ZRANB3: variants seen among roughly 807,000 people sequenced by gnomAD.
ZRANB3 encodes zinc finger RANBP2-type containing 3.
ZRANB3 carries 125 observed loss-of-function variants against 133.8 expected under a neutral mutation model. The observed-to-expected ratio is 0.93, with a 90% confidence interval of 0.81 to 1.08. ZRANB3 has a LOEUF of 1.08. ZRANB3 is among the 50% of genes least tolerant of loss of function. The pLI, the probability that ZRANB3 is intolerant of heterozygous loss-of-function variation, is 0.00. For synonymous variants in ZRANB3, 387 were observed against 432.7 expected (o/e 0.89, Z 1.31); for missense variants, 1,229 against 1,275.5 (o/e 0.96, Z 0.56).
intron 8 of ZRANB3, among the ~76,000 whole-genome samples, chr2:135,307,042 A>C (rs1682742181): frequency 6.6e-6 from 1 of 152,070 alleles, no homozygotes; most frequent in South Asian, 2.1e-4. Context: ...TTAATTAATG[A>C]ATTTTATTTT....
chr2:135,479,913 T>A (rs1248239433), intron 2 of ZRANB3, among the ~76,000 whole-genome samples: 1 of 152,018 alleles, frequency 6.6e-6, no homozygotes, highest in Admixed American at 6.6e-5. Flanking sequence ...TTTGGTTTTT[T>A]ATACCTATAC....
At chr2:135,452,973 C>A (rs1319971674) in intron 2 of ZRANB3, among the ~76,000 whole-genome samples, 1 of 152,258 alleles carries the variant, frequency 6.6e-6, no homozygotes, top group African/African-American at 2.4e-5. Context: ...TTCCACACTG[C>A]CCTAACAGAG....
chr2:135,362,855 T>C (rs1023821483), intron 3 of ZRANB3, among the ~76,000 whole-genome samples: 3 of 152,144 alleles, frequency 2.0e-5, no homozygotes, highest in African/African-American at 4.8e-5. Flanking sequence ...TAATGTGGTA[T>C]TTTTATCCTC....
At chr2:135,391,814 C>T (rs1687246382) in intron 2 of ZRANB3, among the ~76,000 whole-genome samples, 1 of 152,026 alleles carries the variant, frequency 6.6e-6, no homozygotes, top group South Asian at 2.1e-4. Flanking sequence ...CTCCTGACCT[C>T]GTGATCCACC....
At chr2:135,390,678 T>C (rs903165681) in intron 3 of ZRANB3, 124 bp downstream of exon 3, 22 of 1,286,994 alleles carry the variant, frequency 1.7e-5, no homozygotes, top group Non-Finnish European at 2.1e-5. Flanking sequence ...CCCATCTTTC[T>C]CTCTCTCCCC....
chr2:135,232,490 T>G (rs1375593968), intron 12 of ZRANB3, among the ~76,000 whole-genome samples: 1 of 152,230 alleles, frequency 6.6e-6, no homozygotes, highest in East Asian at 1.9e-4. Flanking sequence ...ATGGACAGAC[T>G]GCCTCCTTAA....
chr2:135,450,904 T>C (rs1165635467), intron 2 of ZRANB3, among the ~76,000 whole-genome samples: 3 of 152,234 alleles, frequency 2.0e-5, no homozygotes, highest in Non-Finnish European at 2.9e-5. Flanking sequence ...CATCCAAACA[T>C]CCCTTCAAGT....
intron 2 of ZRANB3, among the ~76,000 whole-genome samples, chr2:135,406,119 A>G (rs1688012450): frequency 6.6e-6 from 1 of 152,232 alleles, no homozygotes; most frequent in East Asian, 1.9e-4. Flanking sequence ...AATAGACGCA[A>G]TAAAAAATGA....
intron 6 of ZRANB3, among the ~76,000 whole-genome samples, chr2:135,325,963 G>T (rs1464281957): frequency 6.6e-6 from 1 of 152,034 alleles, no homozygotes; most frequent in African/African-American, 2.4e-5. Flanking sequence ...GCAGAATCTA[G>T]ATTACAAAAA....
chr2:135,429,825 T>C (rs776967890), intron 2 of ZRANB3, among the ~76,000 whole-genome samples: 2 of 152,226 alleles, frequency 1.3e-5, no homozygotes, highest in Non-Finnish European at 2.9e-5. Flanking sequence ...ACTATATTCA[T>C]GTAAAACTCT....
At chr2:135,256,872 C>T (rs545435665) in intron 12 of ZRANB3, among the ~76,000 whole-genome samples, 1 of 152,280 alleles carries the variant, frequency 6.6e-6, no homozygotes, top group Non-Finnish European at 1.5e-5. Flanking sequence ...CCAGCCAAGA[C>T]CCACCAAAAC....
In ZRANB3 at chr2:135,265,523, T is replaced by C. The variant is rs747201526; in HGVS notation, c.1539+11A>G. On this transcript the variant is annotated intron_variant, in intron 12 of 20. Coordinates refer to ENST00000264159, the MANE Select transcript of ZRANB3 (RefSeq NM_032143.4). The stretch of plus-strand genomic sequence containing the variant: ...AAAAAAAATAGAAAAGAGTAAGGCA[T>C]ATAATCTTACGTGAGTGAACAAAGC... The C allele has an allele frequency of 6.2e-7, 1 of 1,607,378 alleles. No homozygotes were observed. The highest frequency in any genetic ancestry group is 1.1e-5 in the South Asian group (1 of 89,454).
chr2:135,518,935 T>C (rs1693808001), intron 1 of ZRANB3, among the ~76,000 whole-genome samples: 1 of 152,196 alleles, frequency 6.6e-6, no homozygotes, highest in Non-Finnish European at 1.5e-5. Context: ...ATAATAGGGT[T>C]CAGGAGGGAG....
At chr2:135,394,953 C>CAAAAAAAAAAAAAAAAAAAAAAAAAAAAA (rs113220872) in intron 2 of ZRANB3, among the ~76,000 whole-genome samples, 1 of 43,374 alleles carries the variant, frequency 2.3e-5, no homozygotes, top group African/African-American at 6.3e-5. Flanking sequence ...CTTGTCTCTA[C>CAAAAAAAAAAAAAAAAAAAAAAAAAAAAA]AAAAAAAAAA....
At chr2:135,498,865 T>C (rs1472483952) in intron 2 of ZRANB3, among the ~76,000 whole-genome samples, 1 of 152,174 alleles carries the variant, frequency 6.6e-6, no homozygotes, top group African/African-American at 2.4e-5. Flanking sequence ...CTAATAAATT[T>C]TGGTCAGACT....
At chr2:135,435,815 T>C (rs1020546995) in intron 2 of ZRANB3, among the ~76,000 whole-genome samples, 3 of 152,218 alleles carry the variant, frequency 2.0e-5, no homozygotes, top group Non-Finnish European at 4.4e-5. Flanking sequence ...TCATGTCCTT[T>C]GCCCACTTTT....
chr2:135,202,858 T>A lies in ZRANB3; in HGVS notation c.3115A>T (p.Thr1039Ser), dbSNP rs886352097. 1 of 1,609,662 alleles carries A rather than the reference T, an allele frequency of 6.2e-7. No homozygotes were observed. The highest frequency in any genetic ancestry group is 1.3e-5 in the African/African-American group (1 of 74,976). Residue 1039 changes from threonine (T) to serine (S), a missense_variant, in exon 20 of 21, where the codon ACT becomes TCT. Transcript: ENST00000264159. ...TCTTTGTGACAGACTGTGCAGAGAGTCTGCAGGTTGTCCAGGGAACACTGT... is the reference window on the plus strand; with the variant it reads ...TCTTTGTGACAGACTGTGCAGAGAGACTGCAGGTTGTCCAGGGAACACTGT... ...GGQCSLDNLQTLCTVCHKERT... is the reference protein window; with the variant it reads ...GGQCSLDNLQSLCTVCHKERT...
chr2:135,387,121 A>G (rs1253454203), intron 3 of ZRANB3, among the ~76,000 whole-genome samples: 1 of 152,178 alleles, frequency 6.6e-6, no homozygotes, highest in Non-Finnish European at 1.5e-5. Context: ...CAGCTAAAGT[A>G]CACAATACTC....
At chr2:135,512,991 T>C (rs1347164872) in intron 1 of ZRANB3, among the ~76,000 whole-genome samples, 1 of 152,112 alleles carries the variant, frequency 6.6e-6, no homozygotes, top group African/African-American at 2.4e-5. Flanking sequence ...AAGACAGGAG[T>C]ATTATTTTCA....
Sources: allele counts gnomAD v4.1 joint callset (sites outside exome capture counted in the v4.1 genomes callset), GRCh38; gene constraint gnomAD v4.1.1; transcripts MANE v1.5; gene names NCBI Gene and HGNC (gene_info 2026-07-23, HGNC 2026-07-21).